TAF6: variants seen among roughly 807,000 people sequenced by gnomAD.
TAF6 encodes the protein TATA-box binding protein associated factor 6.
TAF6 carries 50 observed loss-of-function variants against 73.5 expected under a neutral mutation model. The observed-to-expected ratio is 0.68, with a 90% CI of 0.54 to 0.86. The LOEUF (loss-of-function observed/expected upper bound fraction) is 0.86, where lower values mean the gene tolerates loss of function less well. TAF6 is among the 40% of genes least tolerant of loss of function. The pLI, the probability that TAF6 is intolerant of heterozygous loss-of-function variation, is 0.00. For missense variants in TAF6, 768 were observed against 899.5 expected, an observed-to-expected ratio of 0.85 and a Z score of 1.87; for synonymous variants, 424 against 376.7, an observed-to-expected ratio of 1.13 and a Z score of -1.45.
chr7:100,112,261 A>G lies in TAF6; in HGVS notation c.575-8T>C. ...GCGCCTTCTTCTCTTTCCCTGTGTG[A>G]TTGGAAAGGTGGGTCTGACAAAGAA... On this transcript the variant is annotated splice_region_variant and splice_polypyrimidine_tract_variant and intron_variant, in intron 6 of 14. Transcript: ENST00000453269. 2 of 1,610,004 alleles carry G rather than the reference A, an allele frequency of 1.2e-6. No homozygotes were observed. Among genetic ancestry groups the G allele is most frequent in the Admixed American group, 1.7e-5 (1 of 58,946 alleles).
At chr7:100,107,875 C>G (rs572390267) in intron 14 of TAF6, 51 bp downstream of exon 14, 14 of 1,559,886 alleles carry the variant, frequency 9.0e-6, no homozygotes, top group Admixed American at 9.0e-5. Context: ...CCAGGGTGCT[C>G]TGAGGTAACC....
upstream of TAF6, among the ~76,000 whole-genome samples, chr7:100,123,321 G>A (rs866149138): frequency 2.0e-5 from 3 of 150,488 alleles, no homozygotes; most frequent in Non-Finnish European, 3.0e-5. Context: ...CAGCCAGGGC[G>A]ACAGAGCAAG....
chr7:100,126,566 T>C, the TAF6 span: 2 of 151,978 alleles, frequency 1.3e-5, no homozygotes, highest in Non-Finnish European at 2.9e-5. Context: ...AGACCAAGAC[T>C]GGAGGATCGC....
the TAF6 span, among the ~76,000 whole-genome samples, chr7:100,126,236 G>A: frequency 6.6e-6 from 1 of 152,184 alleles, no homozygotes; most frequent in African/African-American, 2.4e-5. Context: ...CAGTTACTCG[G>A]GAGGCTGAGA....
intron 1 of TAF6, among the ~76,000 whole-genome samples, chr7:100,116,869 T>C (rs541510507): frequency 6.6e-6 from 1 of 152,216 alleles, no homozygotes; most frequent in East Asian, 1.9e-4. Flanking sequence ...AAATATCTAA[T>C]TGGCTGCCTA....
upstream of TAF6, chr7:100,124,814 G>A (rs1161720484): frequency 1.9e-6 from 3 of 1,613,580 alleles, no homozygotes; most frequent in South Asian, 3.3e-5. Context: ...GGAGGAGGAA[G>A]AGGAGGAAGA....
chr7:100,119,401 T>A, upstream of TAF6: 1 of 1,152,166 alleles, frequency 8.7e-7, no homozygotes, highest in South Asian at 2.1e-5. Context: ...AGCAAGTCAC[T>A]GCCCCTTCCC....
chr7:100,120,361 A>G (rs1016243412), upstream of TAF6: 2 of 152,722 alleles, frequency 1.3e-5, no homozygotes, highest in Admixed American at 6.5e-5. Context: ...AAGCCACACA[A>G]CTAGGAGAGT....
At chr7:100,122,408 C>G, upstream of TAF6, 1 of 1,614,110 alleles carries the variant, frequency 6.2e-7, no homozygotes, top group Non-Finnish European at 8.5e-7. Context: ...TGCTCCTCCC[C>G]TTTCCAACCC....
the TAF6 span, chr7:100,126,718 AG>A: frequency 6.6e-6 from 1 of 152,218 alleles, no homozygotes. Context: ...CTGAGGCGGG[AG>A]GATCACATGA....
chr7:100,117,264 GCTC>G (rs1286814783), intron 1 of TAF6, among the ~76,000 whole-genome samples: 52 of 142,182 alleles, frequency 3.7e-4, no homozygotes, highest in African/African-American at 1.2e-3. Context: ...TCTAGACAGG[GCTC>G]TTTTTTTTTT....
upstream of TAF6, among the ~76,000 whole-genome samples, chr7:100,121,595 C>T (rs543152269): frequency 2.0e-4 from 30 of 151,850 alleles, no homozygotes; most frequent in Non-Finnish European, 4.1e-4. Context: ...CAGGTGCGCA[C>T]CACCACACCT....
At chr7:100,124,843 G>C in the TAF6 span, 1 of 1,609,736 alleles carries the variant, frequency 6.2e-7, no homozygotes, top group Non-Finnish European at 8.5e-7. Flanking sequence ...GAGACAAGAT[G>C]ACCAAGACAG....
chr7:100,112,986 C>T (rs1016849038), intron 5 of TAF6, 69 bp from the exon 6 acceptor site: 17 of 1,550,650 alleles, frequency 1.1e-5, no homozygotes, highest in African/African-American at 5.4e-5. Context: ...GGGAGGAGGC[C>T]GGATGCGGTG....
At position 100,111,330 on chromosome 7, in the gene TAF6, G is replaced by A. The variant is rs1270250973; in HGVS notation, c.901-9C>T. 4 of 1,608,954 alleles carry A rather than the reference G, an allele frequency of 2.5e-6. No individual in the cohort carries two copies. The highest frequency in any genetic ancestry group is 4.5e-5 in the East Asian group (2 of 44,742). ...GGAATCAGCTCATGGACCTAAGGGA[G>A]AAAGGGCGGGACAGCTGATTCTGGT... On this transcript the variant is annotated splice_polypyrimidine_tract_variant and intron_variant, in intron 9 of 14. Transcript: ENST00000453269.
rs983902455 is a variant in TAF6 at position 100,113,357 on chromosome 7, G to C, written c.446C>G (p.Pro149Arg). ...EGCQPAIPEN[P>R]PPAPKEQQKA... is the part of the protein sequence containing the mutation. ...TGGGGCATGGAGGTTACCTGGGGGC[G>C]GGTTCTCGGGGATAGCTGGCTGGCA... Residue 149 changes from proline to arginine, a missense_variant, in exon 5 of 15, where the codon CCG becomes CGG. Coordinates refer to ENST00000453269, the MANE Select transcript of TAF6 (RefSeq NM_139315.3). 1.3e-6 allele frequency: 2 copies of C among 1,594,392 alleles called. No individual in the cohort carries two copies. Among genetic ancestry groups the C allele is most frequent in the African/African-American group, 1.4e-5 (1 of 73,848 alleles).
chr7:100,119,162 G>T, intron 1 of TAF6, 42 bp downstream of exon 1: 1 of 987,470 alleles, frequency 1.0e-6, no homozygotes, highest in Non-Finnish European at 1.2e-6. Flanking sequence ...TCCAATGCAG[G>T]CACACACACG....
At chr7:100,117,595 C>T (rs1008457943) in intron 1 of TAF6, among the ~76,000 whole-genome samples, 1 of 151,598 alleles carries the variant, frequency 6.6e-6, no homozygotes, top group Non-Finnish European at 1.5e-5. Flanking sequence ...ATTATGTTCA[C>T]TGATGTATTC....
At position 100,114,115 on chromosome 7, in the gene TAF6, T is replaced by A. The variant is rs1233238581; in HGVS notation, c.95A>T (p.Gln32Leu). The stretch of plus-strand genomic sequence containing the variant: ...CGTTAGCAGCTGGCAGGTCTCCTCC[T>A]GAATCTGGGCGATGCCCATGGATTC... ...VAESMGIAQI[Q>L]EETCQLLTDE... The change falls in exon 2 of 15, where the codon CAG (glutamine) becomes CTG (leucine). Residue 32 changes from glutamine (Q) to leucine (L), a missense_variant. Gln to Leu is a moderately radical substitution (Grantham distance 113). Transcript: ENST00000453269. 14 of 1,614,244 alleles carry A rather than the reference T, an allele frequency of 8.7e-6. No individual in the cohort carries two copies. Among genetic ancestry groups the A allele is most frequent in the Non-Finnish European group, 1.2e-5 (14 of 1,180,046 alleles).
Sources: gnomAD v4.1 joint callset for allele counts (sites outside exome capture counted in the v4.1 genomes callset) on GRCh38, gnomAD v4.1.1 for gene constraint, MANE v1.5 for transcripts, NCBI Gene and HGNC (gene_info 2026-07-23, HGNC 2026-07-21) for gene names.